UQCRB: variants seen among roughly 807,000 people sequenced by gnomAD.
UQCRB encodes cytochrome b-c1 complex subunit 7.
Under a neutral mutation model 19.8 loss-of-function variants are expected in UQCRB, and 12 were observed. That is an observed-to-expected ratio of 0.61 (90% CI 0.39 to 0.98). The LOEUF (loss-of-function observed/expected upper bound fraction) is 0.98, where lower values mean the gene tolerates loss of function less well. UQCRB is among the 50% of genes least tolerant of loss of function. The pLI, the probability that UQCRB is intolerant of heterozygous loss-of-function variation, is 0.00. For synonymous variants in UQCRB, 39 were observed against 42.9 expected, an observed-to-expected ratio of 0.91 and a Z score of 0.35; for missense variants, 142 against 131.8, an observed-to-expected ratio of 1.08 and a Z score of -0.38.
intron 1 of UQCRB, chr8:96,234,904 C>T (rs1390207604): frequency 4.9e-6 from 1 of 203,810 alleles, no homozygotes; most frequent in Admixed American, 5.4e-5. Context: ...TTCTCCAAAC[C>T]TACTGATCAA....
rs1809487336 is a variant in UQCRB, at chr8:96,223,956, T to A, written c.*7099A>T. 6.6e-6 allele frequency among the ~76,000 whole-genome samples: 1 copy of A among 152,182 alleles called. No homozygotes were observed. Among genetic ancestry groups the A allele is most frequent in the South Asian group, 2.1e-4 (1 of 4,830 alleles). ...GCTTTGGAAGGCCACTCCCTTCAAC[T>A]GGAACTAGTGTGGTCTCCTGGAGTC... On this transcript the variant is annotated 3_prime_UTR_variant, in exon 4 of 4. Transcript: ENST00000287022.
At position 96,228,713 on chromosome 8, in the gene UQCRB, A is replaced by T. The variant is rs1480303686; in HGVS notation, c.*2342T>A. On this transcript the variant is annotated 3_prime_UTR_variant, in exon 4 of 4. Transcript: ENST00000287022. The stretch of plus-strand genomic sequence containing the variant: ...CATTAGCTCTATCTTAGGGACAAAC[A>T]AACTGAAGCACGGAGAGGTTAAATT... 2.2e-6 allele frequency: 1 copy of T among 454,110 alleles called. No individual in the cohort carries two copies. The highest frequency in any genetic ancestry group is 4.4e-6 in the Non-Finnish European group (1 of 226,796). The allele number at this position is 454,110 out of a possible 1,614,324, so 28.1% of individuals were successfully genotyped here. A position where few individuals can be genotyped will look rare whatever the true frequency, so the allele number is the denominator to read the frequency against.
intron 1 of UQCRB, chr8:96,234,355 T>C (rs1586156482): frequency 2.3e-6 from 1 of 437,162 alleles, no homozygotes; most frequent in Non-Finnish European, 4.2e-6. Context: ...AACACTTTCC[T>C]ATTTGCTTTA....
chr8:96,235,236 C>T (rs918109281), intron 1 of UQCRB: 9 of 590,156 alleles, frequency 1.5e-5, no homozygotes, highest in African/African-American at 5.6e-5. Context: ...AGGGGAAGGA[C>T]TTCCAAGCAC....
In UQCRB at chr8:96,230,475, G is replaced by A. The variant is rs564159476; in HGVS notation, c.*580C>T. 2.2e-6 allele frequency: 1 copy of A among 454,028 alleles called. No individual in the cohort carries two copies. The highest frequency in any genetic ancestry group is 2.0e-5 in the African/African-American group (1 of 50,108). 28.1% of individuals were successfully genotyped at this position (454,028 alleles called of 1,614,324 possible). A position where few individuals can be genotyped will look rare whatever the true frequency, so the allele number is the denominator to read the frequency against. On this transcript the variant is annotated 3_prime_UTR_variant, in exon 4 of 4. Coordinates refer to ENST00000287022, the MANE Select transcript of UQCRB (RefSeq NM_006294.5). ...AAACTTCATAACAATCATTTCCAAA[G>A]TGGAAAAGTCACTGGGATATGGGGA...
In UQCRB at chr8:96,230,522, TTTTA is replaced by T. The variant is rs375575388; in HGVS notation, c.*529_*532del. The T allele has an allele frequency of 2.1e-4, 96 of 453,818 alleles. No individual in the cohort carries two copies. In the East Asian group the frequency reaches 4.9e-3, roughly 23 times the overall value. The allele number at this position is 453,818 out of a possible 1,614,324, so 28.1% of individuals were successfully genotyped here. ...GGGACAGTATGATTTGTCTTTATAC[TTTTA>T]TTTTTCTAACATCTTTTTGTTTTCT... On this transcript the variant is annotated 3_prime_UTR_variant, in exon 4 of 4. Transcript: ENST00000287022.
In UQCRB at chr8:96,230,479, A is replaced by G. The variant is rs1303667073; in HGVS notation, c.*576T>C. ...TTCATAACAATCATTTCCAAAGTGG[A>G]AAAGTCACTGGGATATGGGGACAGT... is the stretch of plus-strand genomic sequence containing the variant. On this transcript the variant is annotated 3_prime_UTR_variant, in exon 4 of 4. Coordinates refer to ENST00000287022, the MANE Select transcript of UQCRB (RefSeq NM_006294.5). 2 of 454,108 alleles carry G rather than the reference A, an allele frequency of 4.4e-6. No individual in the cohort carries two copies. The highest frequency in any genetic ancestry group is 1.4e-4 in the East Asian group (2 of 14,396). 28.1% of individuals were successfully genotyped at this position (454,108 alleles called of 1,614,324 possible). A position where few individuals can be genotyped will look rare whatever the true frequency, so the allele number is the denominator to read the frequency against.
Position 96,223,633 on chromosome 8 carries a change from A to G in UQCRB, c.*7422T>C, listed in dbSNP as rs1478348356. 1.7e-5 allele frequency among the ~76,000 whole-genome samples: 2 copies of G among 120,660 alleles called. No individual in the cohort carries two copies. Among genetic ancestry groups the G allele is most frequent in the African/African-American group, 7.8e-5 (2 of 25,664 alleles). The allele number at this position is 120,660 out of a possible 152,430, so 79.2% of individuals were successfully genotyped here. Reference sequence around the variant, plus strand: ...CAGAATTTAATTTTTGTCTTAAAGTAAAGCTAGAATTTAGACAGAGTATGG... The same window carrying G: ...CAGAATTTAATTTTTGTCTTAAAGTGAAGCTAGAATTTAGACAGAGTATGG... On this transcript the variant is annotated 3_prime_UTR_variant, in exon 4 of 4. Transcript: ENST00000287022.
At chr8:96,235,232 A>G in intron 1 of UQCRB, 1 of 585,524 alleles carries the variant, frequency 1.7e-6, no homozygotes, top group South Asian at 2.0e-5. Context: ...GCCAAGGGGA[A>G]GGACTTCCAA....
chr8:96,235,378 T>G, intron 1 of UQCRB, 134 bp downstream of exon 1: 1 of 1,306,026 alleles, frequency 7.7e-7, no homozygotes, highest in Non-Finnish European at 1.1e-6. Flanking sequence ...TCCTTTTCAC[T>G]GGACTGAAGC....
chr8:96,232,046 T>C, intron 2 of UQCRB, 106 bp from the exon 3 acceptor site: 1 of 1,086,794 alleles, frequency 9.2e-7, no homozygotes, highest in Non-Finnish European at 1.4e-6. Flanking sequence ...TTTGGTGAAC[T>C]ATCGAATTCA....
At position 96,229,204 on chromosome 8, in the gene UQCRB, C is replaced by G. The variant is rs1244974738; in HGVS notation, c.*1851G>C. The G allele has an allele frequency of 2.2e-6, 1 of 453,996 alleles. No individual in the cohort carries two copies. Among genetic ancestry groups the G allele is most frequent in the South Asian group, 1.6e-5 (1 of 64,476 alleles). 28.1% of individuals were successfully genotyped at this position (453,996 alleles called of 1,614,324 possible). ...ACTTTGGCTTTAGGAAGAACTCTTA[C>G]AAAATCAGAGGTTGCCTTATGTAAT... On this transcript the variant is annotated 3_prime_UTR_variant, in exon 4 of 4. Coordinates refer to ENST00000287022, the MANE Select transcript of UQCRB (RefSeq NM_006294.5).
intron 1 of UQCRB, chr8:96,234,969 T>A (rs1302662547): frequency 9.0e-6 from 2 of 221,786 alleles, no homozygotes; most frequent in Non-Finnish European, 9.2e-6. Context: ...TATCCCTTGC[T>A]CAACTGTCTC....
rs771870205 is a variant in UQCRB, at chr8:96,230,664, A to G, written c.*391T>C. 1 of 463,488 alleles carries G rather than the reference A, an allele frequency of 2.2e-6. No individual in the cohort carries two copies. Among genetic ancestry groups the G allele is most frequent in the South Asian group, 1.5e-5 (1 of 64,554 alleles). 28.7% of individuals were successfully genotyped at this position (463,488 alleles called of 1,614,324 possible). A position where few individuals can be genotyped will look rare whatever the true frequency, so the allele number is the denominator to read the frequency against. ...GCAAAATCAAATCTGTTTGCATACC[A>G]GTGAAGAGGCTATTTCTCAATCTTG... On this transcript the variant is annotated 3_prime_UTR_variant, in exon 4 of 4. Transcript: ENST00000287022.
At chr8:96,235,153 A>T (rs1245642943) in intron 1 of UQCRB, 4 of 443,642 alleles carry the variant, frequency 9.0e-6, no homozygotes, top group Non-Finnish European at 1.7e-5. Flanking sequence ...GGGTCATAGA[A>T]AGCACTGAGC....
chr8:96,232,141 A>G, intron 2 of UQCRB: 1 of 598,648 alleles, frequency 1.7e-6, no homozygotes, highest in South Asian at 2.0e-5. Flanking sequence ...ATTAAAAGTA[A>G]TGAGTTATTA....
At position 96,229,073 on chromosome 8, in the gene UQCRB, A is replaced by G. The variant is rs1368457414; in HGVS notation, c.*1982T>C. ...CTTCATAACAAGCAGGACGATAACC[A>G]TAATTTATAATGAACACAAAACATT... On this transcript the variant is annotated 3_prime_UTR_variant, in exon 4 of 4. Coordinates refer to ENST00000287022, the MANE Select transcript of UQCRB (RefSeq NM_006294.5). 2.2e-6 allele frequency: 1 copy of G among 453,986 alleles called. No individual in the cohort carries two copies. The highest frequency in any genetic ancestry group is 4.4e-6 in the Non-Finnish European group (1 of 226,778). The allele number at this position is 453,986 out of a possible 1,614,324, so 28.1% of individuals were successfully genotyped here.
In UQCRB at chr8:96,229,163, CAT is replaced by C. The variant is rs1473762961; in HGVS notation, c.*1890_*1891del. 8 of 453,986 alleles carry C rather than the reference CAT, an allele frequency of 1.8e-5. 1 individual carries two copies. Among genetic ancestry groups the C allele is most frequent in the Admixed American group, 9.4e-5 (4 of 42,562 alleles). 28.1% of individuals were successfully genotyped at this position (453,986 alleles called of 1,614,324 possible). A position where few individuals can be genotyped will look rare whatever the true frequency, so the allele number is the denominator to read the frequency against. ...TTAGAAGAATGAAGTAATCTGGAAA[CAT>C]AGAATAGGCATACACTTTGGCTTTA... On this transcript the variant is annotated 3_prime_UTR_variant, in exon 4 of 4. Transcript: ENST00000287022.
At position 96,228,939 on chromosome 8, in the gene UQCRB, T is replaced by C. The variant is rs1809591398; in HGVS notation, c.*2116A>G. 1 of 453,944 alleles carries C rather than the reference T, an allele frequency of 2.2e-6. No homozygotes were observed. Among genetic ancestry groups the C allele is most frequent in the African/African-American group, 2.0e-5 (1 of 49,992 alleles). 28.1% of individuals were successfully genotyped at this position (453,944 alleles called of 1,614,324 possible). A position where few individuals can be genotyped will look rare whatever the true frequency, so the allele number is the denominator to read the frequency against. On this transcript the variant is annotated 3_prime_UTR_variant, in exon 4 of 4. Transcript: ENST00000287022. ...TGGTGATTTTCCACACAGGACGGCT[T>C]TTGATAATAGAAAGGCCCTCTCTTT...
Sources: gnomAD v4.1 joint callset for allele counts (sites outside exome capture counted in the v4.1 genomes callset) on GRCh38, gnomAD v4.1.1 for gene constraint, MANE v1.5 for transcripts, NCBI Gene and HGNC (gene_info 2026-07-23, HGNC 2026-07-21) for gene names.